GBE1: variants seen among roughly 807,000 people sequenced by gnomAD.
GBE1 encodes the protein 1,4-alpha-glucan branching enzyme 1.
A neutral mutation model predicts 88.8 loss-of-function variants in GBE1; 70 were observed. The observed-to-expected ratio is 0.79, with a 90% CI of 0.65 to 0.96. The LOEUF (loss-of-function observed/expected upper bound fraction) is 0.96. GBE1 is among the 40% of genes least tolerant of loss of function. GBE1 has a pLI of 0.00. For synonymous variants in GBE1, 284 were observed against 300.1 expected (o/e 0.95, Z 0.56); for missense variants, 872 against 871.0 (o/e 1.00, Z -0.01).
intron 7 of GBE1, among the ~76,000 whole-genome samples, chr3:81,630,297 T>G (rs891186386): frequency 4.6e-5 from 7 of 152,162 alleles, no homozygotes; most frequent in Non-Finnish European, 1.0e-4. Context: ...GAACATTCCA[T>G]GCTCATGGGT....
At chr3:81,550,901 G>A (rs949192874) in intron 12 of GBE1, among the ~76,000 whole-genome samples, 7 of 152,136 alleles carry the variant, frequency 4.6e-5, no homozygotes, top group South Asian at 2.1e-4. Context: ...GTAGCCATTC[G>A]TTCATTCCTC....
intron 14 of GBE1, among the ~76,000 whole-genome samples, chr3:81,511,292 A>G (rs553950670): frequency 6.6e-6 from 1 of 152,208 alleles, no homozygotes; most frequent in East Asian, 1.9e-4. Flanking sequence ...CTAACTCATC[A>G]AAAGCAACTG....
chr3:81,711,432 C>T (rs946718567), intron 1 of GBE1, among the ~76,000 whole-genome samples: 2 of 152,056 alleles, frequency 1.3e-5, no homozygotes, highest in Non-Finnish European at 2.9e-5. Context: ...TCCAACTTTC[C>T]AGCACCATTT....
chr3:81,682,501 T>C (rs1705364987), intron 2 of GBE1, among the ~76,000 whole-genome samples: 1 of 151,718 alleles, frequency 6.6e-6, no homozygotes, highest in South Asian at 2.1e-4. Context: ...AAAATAGTCA[T>C]AAAAAAGGGT....
intron 1 of GBE1, among the ~76,000 whole-genome samples, chr3:81,741,637 C>T (rs976595478): frequency 6.6e-6 from 1 of 151,756 alleles, no homozygotes; most frequent in Non-Finnish European, 1.5e-5. Flanking sequence ...AACATTCCAA[C>T]TAATACAAGG....
chr3:81,755,357 C>T (rs541553038), intron 1 of GBE1, among the ~76,000 whole-genome samples: 1 of 152,066 alleles, frequency 6.6e-6, no homozygotes. Context: ...AACACTCATA[C>T]ACTGTTGGTG....
At chr3:81,683,176 T>C (rs1052836358) in intron 2 of GBE1, among the ~76,000 whole-genome samples, 2 of 152,238 alleles carry the variant, frequency 1.3e-5, no homozygotes, top group Non-Finnish European at 2.9e-5. Context: ...GTTGCACAAC[T>C]ATTTTATTAT....
intron 3 of GBE1, among the ~76,000 whole-genome samples, chr3:81,653,182 G>A (rs1483715434): frequency 6.6e-6 from 1 of 152,050 alleles, no homozygotes; most frequent in Non-Finnish European, 1.5e-5. Flanking sequence ...ATTAATTCCA[G>A]GTCAGGCACA....
At chr3:81,607,358 G>A (rs1704117181) in intron 7 of GBE1, among the ~76,000 whole-genome samples, 1 of 152,044 alleles carries the variant, frequency 6.6e-6, no homozygotes, top group Non-Finnish European at 1.5e-5. Context: ...GGACCATCCT[G>A]GCCCACATGG....
At chr3:81,676,265 G>A (rs1705250853) in intron 2 of GBE1, among the ~76,000 whole-genome samples, 1 of 152,014 alleles carries the variant, frequency 6.6e-6, no homozygotes, top group African/African-American at 2.4e-5. Flanking sequence ...CAGGTCAGCT[G>A]TATAGTCTTG....
chr3:81,738,339 CA>C (rs1194301123), intron 1 of GBE1, among the ~76,000 whole-genome samples: 6 of 150,962 alleles, frequency 4.0e-5, no homozygotes, highest in African/African-American at 1.5e-4. Flanking sequence ...CTGACTTCCA[CA>C]ATGGTTGAAC....
At chr3:81,606,112 C>A (rs2106979309) in intron 7 of GBE1, among the ~76,000 whole-genome samples, 1 of 152,144 alleles carries the variant, frequency 6.6e-6, no homozygotes, top group Non-Finnish European at 1.5e-5. Context: ...TTATAAAAAA[C>A]AAAACAAAAT....
chr3:81,563,903 AAGGG>A (rs1354103613), intron 12 of GBE1, among the ~76,000 whole-genome samples: 4 of 142,202 alleles, frequency 2.8e-5, no homozygotes, highest in South Asian at 2.6e-4. Context: ...GAGACGGAGA[AAGGG>A]AGGGAGGGAG....
intron 2 of GBE1, among the ~76,000 whole-genome samples, chr3:81,676,119 C>T (rs1195060020): frequency 6.6e-6 from 1 of 151,998 alleles, no homozygotes; most frequent in Non-Finnish European, 1.5e-5. Flanking sequence ...AAAATAAATG[C>T]TAATCAACTG....
At chr3:81,681,521 C>T (rs1392248234) in intron 2 of GBE1, among the ~76,000 whole-genome samples, 3 of 152,140 alleles carry the variant, frequency 2.0e-5, no homozygotes, top group African/African-American at 4.8e-5. Flanking sequence ...CAAGAAAGCA[C>T]CTACATAGGT....
intron 1 of GBE1, among the ~76,000 whole-genome samples, chr3:81,735,245 T>G (rs1267098758): frequency 1.3e-5 from 2 of 152,130 alleles, no homozygotes; most frequent in Non-Finnish European, 2.9e-5. Context: ...ATCTCCAAGA[T>G]CCATTCATCC....
chr3:81,492,187 C>T (rs1702445821), intron 15 of GBE1, among the ~76,000 whole-genome samples: 1 of 152,180 alleles, frequency 6.6e-6, no homozygotes, highest in Non-Finnish European at 1.5e-5. Flanking sequence ...TGTGAGAAAA[C>T]CATGTATTTC....
rs996250357 is a variant in GBE1, at chr3:81,743,722, G to C, written c.143+17653C>G. The C allele has an allele frequency of 3.8e-6, 3 of 792,708 alleles. No homozygotes were observed. In the African/African-American group the frequency reaches 5.4e-5, roughly 14 times the overall value. 49.1% of individuals were successfully genotyped at this position (792,708 alleles called of 1,614,324 possible). A position where few individuals can be genotyped will look rare whatever the true frequency, so the allele number is the denominator to read the frequency against. ...AGAAAGACCAGATTTACTTTGTCTG[G>C]CCCATGTTTTTGTTTTGTGTTGTTT... On this transcript the variant is annotated intron_variant, in intron 1 of 15. Transcript: ENST00000429644.
chr3:81,756,326 C>T lies in GBE1; in HGVS notation c.143+5049G>A, dbSNP rs375937654. On this transcript the variant is annotated intron_variant, in intron 1 of 15. Coordinates refer to ENST00000429644, the MANE Select transcript of GBE1 (RefSeq NM_000158.4). ...CTACTCCTGTTCCCTGTTCATCTAC[C>T]CTAGTAATCCAGACATTTTTAGCTC... Among the ~76,000 whole-genome samples, 6 of 152,246 alleles carry T rather than the reference C, an allele frequency of 3.9e-5. No individual in the cohort carries two copies. The South Asian group carries it at 1.2e-3, about 32-fold the overall frequency.
Sources: gnomAD v4.1 joint callset for allele counts (sites outside exome capture counted in the v4.1 genomes callset) on GRCh38, gnomAD v4.1.1 for gene constraint, MANE v1.5 for transcripts, NCBI Gene and HGNC (gene_info 2026-07-23, HGNC 2026-07-21) for gene names.